ACCS: variants seen among roughly 807,000 people sequenced by gnomAD.
ACCS encodes the protein 1-aminocyclopropane-1-carboxylate synthase homolog (inactive), also known as 1-aminocyclopropane-1-carboxylate synthase-like protein 1.
Under a neutral mutation model 59.8 loss-of-function variants are expected in ACCS, and 42 were observed. The observed-to-expected ratio is 0.70, with a 90% CI of 0.55 to 0.91. The LOEUF (loss-of-function observed/expected upper bound fraction) is 0.91, where lower values mean the gene tolerates loss of function less well. ACCS is among the 40% of genes least tolerant of loss of function. The pLI is 0.00. For missense variants in ACCS, 602 were observed against 630.4 expected (o/e 0.95, Z 0.48); for synonymous variants, 230 against 240.3 (o/e 0.96, Z 0.40).
At chr11:44,070,094 G>A (rs1006508199) in intron 2 of ACCS, among the ~76,000 whole-genome samples, 1 of 152,190 alleles carries the variant, frequency 6.6e-6, no homozygotes, top group Non-Finnish European at 1.5e-5. Flanking sequence ...AGGCGATGGG[G>A]TCAGAAAGAG....
intron 10 of ACCS, among the ~76,000 whole-genome samples, chr11:44,079,986 C>A (rs1053298500): frequency 1.3e-5 from 2 of 152,198 alleles, no homozygotes; most frequent in Admixed American, 6.5e-5. Context: ...GAGCCCCTTA[C>A]ACACAGAGTG....
At chr11:44,073,142 C>G (rs1013577924) in intron 3 of ACCS, among the ~76,000 whole-genome samples, 18 of 152,172 alleles carry the variant, frequency 1.2e-4, no homozygotes, top group Non-Finnish European at 4.4e-5. Flanking sequence ...AATACTTTTG[C>G]AAACCCACCC....
At chr11:44,082,542 C>T (rs564834626) in intron 12 of ACCS, among the ~76,000 whole-genome samples, 23 of 152,234 alleles carry the variant, frequency 1.5e-4, no homozygotes, top group Non-Finnish European at 2.9e-4. Context: ...AATTCCAATT[C>T]GATGACATTC....
At chr11:44,067,952 GAAC>G (rs757809899) in intron 2 of ACCS, 37 bp downstream of exon 2, 1 of 1,557,548 alleles carries the variant, frequency 6.4e-7, no homozygotes, top group Non-Finnish European at 8.7e-7. Context: ...ACCCAAGAGA[GAAC>G]TGCAGGGTGG....
At chr11:44,072,239 C>G (rs1953087484) in intron 3 of ACCS, 1 of 151,992 alleles carries the variant, frequency 6.6e-6, no homozygotes, top group Admixed American at 6.6e-5. Context: ...CTCACTACAA[C>G]CCCCTCCTCC....
rs1455796466 is a variant in ACCS at position 44,083,070 on chromosome 11, C to A, written c.1112-99C>A. ...GCTAGAGGAGGGACTCAACAGCATC[C>A]TGGCAGCTTGTGGCCTTTTTCTTTA... On this transcript the variant is annotated intron_variant, in intron 12 of 14. Transcript: ENST00000263776. 3.3e-6 allele frequency: 5 copies of A among 1,501,630 alleles called. No individual in the cohort carries two copies. The South Asian group carries it at 6.1e-5, about 18-fold the overall frequency. 93.0% of individuals were successfully genotyped at this position (1,501,630 alleles called of 1,614,324 possible).
At chr11:44,075,446 TG>T in intron 5 of ACCS, 79 bp from the exon 6 acceptor site, 1 of 1,488,752 alleles carries the variant, frequency 6.7e-7, no homozygotes, top group Non-Finnish European at 9.3e-7. Flanking sequence ...GCGCTCACTC[TG>T]TGCTGTCCTG....
Position 44,077,182 on chromosome 11 carries a change from G to C in ACCS, c.557-97G>C, listed in dbSNP as rs762030720. ...AAGTATGCCCCAAACGGTCCCCAAAGAAGTTAAAGGCTTGGAGAGGGACTG... is the reference window on the plus strand; with the variant it reads ...AAGTATGCCCCAAACGGTCCCCAAACAAGTTAAAGGCTTGGAGAGGGACTG... On this transcript the variant is annotated intron_variant, in intron 6 of 14. Coordinates refer to ENST00000263776, the MANE Select transcript of ACCS (RefSeq NM_032592.4). 1.8e-5 allele frequency: 24 copies of C among 1,357,504 alleles called. No homozygotes were observed. In the East Asian group the frequency reaches 2.2e-4, roughly 12 times the overall value. The allele number at this position is 1,357,504 out of a possible 1,614,324, so 84.1% of individuals were successfully genotyped here. A position where few individuals can be genotyped will look rare whatever the true frequency, so the allele number is the denominator to read the frequency against.
In ACCS at chr11:44,073,591, A is replaced by G; in HGVS notation, c.419+74A>G. The G allele has an allele frequency of 1.0e-5, 15 of 1,463,462 alleles. 1 individual carries two copies. The highest frequency in any genetic ancestry group is 1.8e-4 in the Middle Eastern group (1 of 5,474). The allele number at this position is 1,463,462 out of a possible 1,614,324, so 90.7% of individuals were successfully genotyped here. On this transcript the variant is annotated intron_variant, in intron 4 of 14. Coordinates refer to ENST00000263776, the MANE Select transcript of ACCS (RefSeq NM_032592.4). ...ATGTTGGGAGACATTTTTGGTTGTT[A>G]TAACTGGGAAGTCAGGTGCTCCTGG...
At chr11:44,074,860 T>C (rs1358091088) in intron 5 of ACCS, among the ~76,000 whole-genome samples, 179 bp downstream of exon 5, 1 of 149,252 alleles carries the variant, frequency 6.7e-6, no homozygotes, top group Non-Finnish European at 1.5e-5. Context: ...ACTCTTGCTC[T>C]GTCACCCAGA....
intron 6 of ACCS, chr11:44,075,910 C>G: frequency 3.8e-6 from 1 of 262,560 alleles, no homozygotes; most frequent in Non-Finnish European, 7.3e-6. Flanking sequence ...CCGTGCCTGT[C>G]TCTTTTTTAT....
chr11:44,067,365 A>T (rs1051497706), intron 1 of ACCS: 1 of 373,214 alleles, frequency 2.7e-6, no homozygotes, highest in African/African-American at 2.1e-5. Flanking sequence ...TTGCAGAAGT[A>T]GAACACGCTA....
In ACCS at chr11:44,081,038, G is replaced by A. The variant is rs1590509367; in HGVS notation, c.942G>A (p.Arg314=). 3 of 1,614,208 alleles carry A rather than the reference G, an allele frequency of 1.9e-6. No individual in the cohort carries two copies. Among genetic ancestry groups the A allele is most frequent in the Non-Finnish European group, 1.7e-6 (2 of 1,180,046 alleles). The change falls in exon 11 of 15, where the codon AGG becomes AGA. Residue 314 remains arginine, a synonymous_variant. Coordinates refer to ENST00000263776, the MANE Select transcript of ACCS (RefSeq NM_032592.4). ...TCTGCAGGCTCCCTGACCCCCAGAG[G>A]ACCCATGTGATGTGGGCAACCAGCA... ...LSLERLPDPQ[R]THVMWATSKD...
chr11:44,077,406 T>C, intron 7 of ACCS, 30 bp downstream of exon 7: 2 of 1,612,724 alleles, frequency 1.2e-6, no homozygotes, highest in Non-Finnish European at 1.7e-6. Flanking sequence ...AGGTGGAACC[T>C]GGGCCTGCCT....
Position 44,079,639 on chromosome 11 carries a change from G to GCTAA in ACCS, c.923+22_923+25dup. The GCTAA allele has an allele frequency of 6.9e-6, 11 of 1,591,704 alleles. No individual in the cohort carries two copies. The highest frequency in any genetic ancestry group is 9.4e-6 in the Non-Finnish European group (11 of 1,167,534). ...TGGAAAGGTGAGGCTCCCTGACACA[G>GCTAA]CTAACTCCCCCAGTCCCTATTATCC... On this transcript the variant is annotated intron_variant, in intron 10 of 14. Transcript: ENST00000263776.
intron 4 of ACCS, 52 bp from the exon 5 acceptor site, chr11:44,074,560 A>G: frequency 7.8e-6 from 11 of 1,417,466 alleles, no homozygotes; most frequent in South Asian, 2.3e-5. Flanking sequence ...TTCAGGATGC[A>G]CCGTGGGTTG....
intron 2 of ACCS, among the ~76,000 whole-genome samples, chr11:44,068,257 T>G (rs1325200596): frequency 6.6e-6 from 1 of 152,244 alleles, no homozygotes; most frequent in Non-Finnish European, 1.5e-5. Flanking sequence ...GGTTGTGTGT[T>G]GCTGAGCTAG....
rs1565182884 is a variant in ACCS, at chr11:44,080,847, C to T, written c.924-173C>T. ...TGTTTGGCCCGCGGGCTGTCATTTG[C>T]TAACCCCTGCTCTAAAGGATGCATG... On this transcript the variant is annotated intron_variant, in intron 10 of 14. Transcript: ENST00000263776. The T allele has an allele frequency of 6.8e-6, 5 of 738,212 alleles. No homozygotes were observed. The South Asian group carries it at 9.2e-5, about 14-fold the overall frequency. The allele number at this position is 738,212 out of a possible 1,614,324, so 45.7% of individuals were successfully genotyped here.
chr11:44,075,227 C>T (rs1054399176), intron 5 of ACCS, among the ~76,000 whole-genome samples: 3 of 152,296 alleles, frequency 2.0e-5, no homozygotes, highest in Middle Eastern at 3.4e-3. Flanking sequence ...TACCTTCTCC[C>T]TCCTCGATGT....
Sources: gnomAD v4.1 joint callset for allele counts (sites outside exome capture counted in the v4.1 genomes callset) on GRCh38, gnomAD v4.1.1 for gene constraint, MANE v1.5 for transcripts, NCBI Gene and HGNC (gene_info 2026-07-23, HGNC 2026-07-21) for gene names.